TMEM108: variants seen among roughly 807,000 people sequenced by gnomAD.
The protein encoded by TMEM108 is transmembrane protein 108.
A neutral mutation model predicts 35.1 loss-of-function variants in TMEM108; 12 were observed. That is an observed-to-expected ratio of 0.34 (90% CI 0.22 to 0.55). The LOEUF is 0.55. Ranked by LOEUF, TMEM108 falls within the 20% of genes least tolerant of loss-of-function variation. The probability of loss-of-function intolerance (pLI) is 0.89; values close to 1 mark genes in which losing one functional copy is unlikely to be tolerated. For synonymous variants in TMEM108, 287 were observed against 308.6 expected (o/e 0.93, Z 0.73); for missense variants, 680 against 753.3 (o/e 0.90, Z 1.14).
At chr3:133,269,965 C>G (rs1946747901) in intron 3 of TMEM108, among the ~76,000 whole-genome samples, 1 of 152,188 alleles carries the variant, frequency 6.6e-6, no homozygotes, top group South Asian at 2.1e-4. Flanking sequence ...CTGGAGTGAG[C>G]TAGTGTTGGG....
Position 133,378,225 on chromosome 3 carries a change from A to G in TMEM108, c.41-1527A>G, listed in dbSNP as rs1307380902. 1.7e-5 allele frequency: 9 copies of G among 522,002 alleles called. No individual in the cohort carries two copies. The Admixed American group carries it at 3.2e-4, about 18-fold the overall frequency. The allele number at this position is 522,002 out of a possible 1,614,324, so 32.3% of individuals were successfully genotyped here. On this transcript the variant is annotated intron_variant, in intron 3 of 5. Coordinates refer to ENST00000321871, the MANE Select transcript of TMEM108 (RefSeq NM_023943.4). ...GCCTCCCACTCCCCACCAATTTAGA[A>G]GTGCAGGGTGAGGACACAGGCCCAT...
At chr3:133,228,370 A>G (rs1050360626) in intron 2 of TMEM108, among the ~76,000 whole-genome samples, 1 of 152,248 alleles carries the variant, frequency 6.6e-6, no homozygotes, top group Admixed American at 6.5e-5. Context: ...GCCTCTCGGC[A>G]GAGATGAAAT....
At chr3:133,083,653 A>G (rs1455756557) in intron 2 of TMEM108, among the ~76,000 whole-genome samples, 1 of 152,192 alleles carries the variant, frequency 6.6e-6, no homozygotes, top group Non-Finnish European at 1.5e-5. Flanking sequence ...CCCTGAAGTA[A>G]TGTTTTATTT....
At chr3:133,387,348 T>C in intron 4 of TMEM108, 3 of 985,456 alleles carry the variant, frequency 3.0e-6, no homozygotes, top group Non-Finnish European at 2.4e-6. Context: ...CCAGGCTGGC[T>C]TTCAGTAAGT....
At chr3:133,112,206 C>T (rs1944233758) in intron 2 of TMEM108, among the ~76,000 whole-genome samples, 2 of 152,042 alleles carry the variant, frequency 1.3e-5, no homozygotes, top group African/African-American at 4.8e-5. Flanking sequence ...AAATGATGGT[C>T]ATGGATACCC....
intron 3 of TMEM108, among the ~76,000 whole-genome samples, chr3:133,359,132 A>G (rs964714382): frequency 6.6e-6 from 1 of 152,204 alleles, no homozygotes; most frequent in African/African-American, 2.4e-5. Flanking sequence ...CTATCTGATC[A>G]TTTACAGAAA....
intron 3 of TMEM108, among the ~76,000 whole-genome samples, chr3:133,229,986 C>T (rs1946128562): frequency 6.6e-6 from 1 of 152,190 alleles, no homozygotes. Context: ...ATTGTACTTT[C>T]TTTGGGATTA....
chr3:133,145,339 AGT>A (rs1198270031), intron 2 of TMEM108, among the ~76,000 whole-genome samples: 5 of 152,206 alleles, frequency 3.3e-5, no homozygotes, highest in Non-Finnish European at 7.3e-5. Context: ...GTTTTGGGCC[AGT>A]AACATGCTGT....
intron 3 of TMEM108, among the ~76,000 whole-genome samples, chr3:133,301,380 C>T (rs1258086465): frequency 2.0e-5 from 3 of 152,154 alleles, no homozygotes; most frequent in Non-Finnish European, 4.4e-5. Context: ...GTGGAAAATG[C>T]ATTTTTCTCA....
rs200683911 is a variant in TMEM108, at chr3:133,140,265, G to A, written c.-46-89001G>A. Among the ~76,000 whole-genome samples the A allele has an allele frequency of 4.6e-5, 7 of 152,186 alleles. No homozygotes were observed. In the East Asian group the frequency reaches 1.4e-3, roughly 29 times the overall value. ...ATTTTACAATTCTGACTTCAGATTA[G>A]TGCATAGACATTATAGTTGTAAACA... is the stretch of plus-strand genomic sequence containing the variant. On this transcript the variant is annotated intron_variant, in intron 2 of 5. Coordinates refer to ENST00000321871, the MANE Select transcript of TMEM108 (RefSeq NM_023943.4).
chr3:133,309,777 T>G (rs1438705459), intron 3 of TMEM108, among the ~76,000 whole-genome samples: 1 of 129,322 alleles, frequency 7.7e-6, no homozygotes, highest in Admixed American at 9.2e-5. Context: ...CTCGGCTCAC[T>G]GCAAGCTCCG....
chr3:133,244,076 C>T (rs1946350490), intron 3 of TMEM108, among the ~76,000 whole-genome samples: 1 of 152,084 alleles, frequency 6.6e-6, no homozygotes, highest in South Asian at 2.1e-4. Context: ...TTGTCTTCAT[C>T]GGGTGACAGA....
Position 133,390,277 on chromosome 3 carries a change from C to G in TMEM108, c.1548C>G (p.Tyr516Ter). 1 of 1,614,236 alleles carries G rather than the reference C, an allele frequency of 6.2e-7. No homozygotes were observed. The highest frequency in any genetic ancestry group is 8.5e-7 in the Non-Finnish European group (1 of 1,180,042). The change falls in exon 5 of 6, where the codon TAC becomes TAG. Residue 516 changes from tyrosine (Y) to a stop codon, truncating the protein, a stop_gained. Coordinates refer to ENST00000321871, the MANE Select transcript of TMEM108 (RefSeq NM_023943.4). LOFTEE classifies it high-confidence loss of function. ...GGAACAACACCATCACCATGGACTA[C>G]TTCAACAGGCATGCTGTGGAGCTGC... ...SYWNNTITMD[Y>*]FNRHAVELPR...
intron 3 of TMEM108, among the ~76,000 whole-genome samples, chr3:133,279,433 G>A (rs1206945287): frequency 2.0e-5 from 3 of 152,194 alleles, no homozygotes; most frequent in Non-Finnish European, 4.4e-5. Context: ...GTCTCCCTTT[G>A]CTGCCGGAAG....
intron 2 of TMEM108, among the ~76,000 whole-genome samples, chr3:133,164,328 C>T (rs1945004824): frequency 6.6e-6 from 1 of 152,168 alleles, no homozygotes; most frequent in Non-Finnish European, 1.5e-5. Flanking sequence ...TAATTGAACA[C>T]ACACCGATGC....
chr3:133,120,280 G>T (rs886101723), intron 2 of TMEM108, among the ~76,000 whole-genome samples: 3 of 152,182 alleles, frequency 2.0e-5, no homozygotes, highest in African/African-American at 7.2e-5. Context: ...CAAGAAGATT[G>T]TATTGAAAGC....
At chr3:133,169,861 G>A (rs969259101) in intron 2 of TMEM108, among the ~76,000 whole-genome samples, 1 of 151,432 alleles carries the variant, frequency 6.6e-6, no homozygotes, top group Non-Finnish European at 1.5e-5. Context: ...TAAAAACACA[G>A]TGATGCGAAC....
intron 2 of TMEM108, among the ~76,000 whole-genome samples, chr3:133,126,803 G>C (rs1157973834): frequency 6.6e-6 from 1 of 151,994 alleles, no homozygotes; most frequent in Non-Finnish European, 1.5e-5. Context: ...TATATAACCT[G>C]TACACATCCT....
chr3:133,312,445 G>C (rs9825925), intron 3 of TMEM108, among the ~76,000 whole-genome samples: 2 of 151,978 alleles, frequency 1.3e-5, no homozygotes, highest in African/African-American at 4.8e-5. Context: ...AATGGCAGAC[G>C]CCTCTCCCCG....
Sources: allele counts gnomAD v4.1 joint callset (sites outside exome capture counted in the v4.1 genomes callset), GRCh38; gene constraint gnomAD v4.1.1; transcripts MANE v1.5; gene names NCBI Gene and HGNC (gene_info 2026-07-23, HGNC 2026-07-21).